TAF10: variants seen among roughly 807,000 people sequenced by gnomAD.
TAF10 encodes TATA-box binding protein associated factor 10.
A neutral mutation model predicts 18.1 loss-of-function variants in TAF10; 2 were observed. The ratio of observed to expected loss-of-function variants is 0.11; its 90% CI spans 0.05 to 0.35. The LOEUF (loss-of-function observed/expected upper bound fraction) is 0.35, where lower values mean the gene tolerates loss of function less well. Ranked by LOEUF, TAF10 falls within the 10% of genes least tolerant of loss-of-function variation. TAF10 has a pLI of 1.00. For synonymous variants in TAF10, 158 were observed against 134.6 expected, an observed-to-expected ratio of 1.17 and a Z score of -1.20; for missense variants, 293 against 306.9, an observed-to-expected ratio of 0.95 and a Z score of 0.34.
chr11:6,609,755 G>A lies in TAF10; in HGVS notation c.*1167C>T. 6.2e-7 allele frequency: 1 copy of A among 1,614,180 alleles called. No homozygotes were observed. Among genetic ancestry groups the A allele is most frequent in the Non-Finnish European group, 8.5e-7 (1 of 1,180,034 alleles). On this transcript the variant is annotated 3_prime_UTR_variant, in exon 5 of 5. Transcript: ENST00000299424. ...TCGTGGACCAGAGCCAGGCTGTGAA[G>A]TTTGCTTTGGACATGGCAAGGGGCA...
chr11:6,610,302 T>TG lies in TAF10; in HGVS notation c.*619dup. 6.2e-7 allele frequency: 1 copy of TG among 1,614,096 alleles called. No individual in the cohort carries two copies. The highest frequency in any genetic ancestry group is 8.5e-7 in the Non-Finnish European group (1 of 1,180,044). ...AGGTGAGAGCACAACAGCATACATT[T>TG]GTGTTGCGGGAGTGGTTGGTGATGG... On this transcript the variant is annotated 3_prime_UTR_variant, in exon 5 of 5. Transcript: ENST00000299424.
chr11:6,611,068 G>C, intron 4 of TAF10, 57 bp from the exon 5 acceptor site: 3 of 1,602,264 alleles, frequency 1.9e-6, no homozygotes, highest in Non-Finnish European at 2.6e-6. Context: ...TTCAATCCCA[G>C]ATGGGTGACC....
At position 6,610,369 on chromosome 11, in the gene TAF10, T is replaced by G. The variant is rs1855379234; in HGVS notation, c.*553A>C. 1 of 1,613,038 alleles carries G rather than the reference T, an allele frequency of 6.2e-7. No homozygotes were observed. Among genetic ancestry groups the G allele is most frequent in the Non-Finnish European group, 8.5e-7 (1 of 1,179,274 alleles). On this transcript the variant is annotated 3_prime_UTR_variant, in exon 5 of 5. Coordinates refer to ENST00000299424, the MANE Select transcript of TAF10 (RefSeq NM_006284.4). The stretch of plus-strand genomic sequence containing the variant: ...GGGCCTTGGCTCCTCACATATTTGT[T>G]CGGATATACAGTAATCCTGTCCCAA...
Position 6,611,737 on chromosome 11 carries a change from C to A in TAF10, c.314G>T (p.Gly105Val), listed in dbSNP as rs1209144140. The A allele has an allele frequency of 6.2e-7, 1 of 1,611,956 alleles. No homozygotes were observed. Among genetic ancestry groups the A allele is most frequent in the Non-Finnish European group, 8.5e-7 (1 of 1,178,976 alleles). Reference protein sequence around the residue: ...GVYVLPSAANGDVKPVVSSTP... With the variant: ...GVYVLPSAANVDVKPVVSSTP... ...GCTGGACACCACGGGCTTCACGTCT[C>A]CGTTGGCCGCGCTCGGCAGTACGTA... Residue 105 changes from glycine (G) to valine (V), a missense_variant, in exon 2 of 5, where the codon GGA (glycine) becomes GTA (valine). Gly to Val is a moderately radical substitution (Grantham distance 109). Transcript: ENST00000299424.
chr11:6,608,272 A>C lies in TAF10; in HGVS notation c.*2650T>G, dbSNP rs1001718645. 8.2e-6 allele frequency: 13 copies of C among 1,588,708 alleles called. No homozygotes were observed. In the African/African-American group the frequency reaches 1.3e-4, roughly 16 times the overall value. ...CATGCCATGAGGGTCAGTCACAGGCACTGTAACATACAGTAGAAAGCATGT... is the reference window on the plus strand; with the variant it reads ...CATGCCATGAGGGTCAGTCACAGGCCCTGTAACATACAGTAGAAAGCATGT... On this transcript the variant is annotated 3_prime_UTR_variant, in exon 5 of 5. Coordinates refer to ENST00000299424, the MANE Select transcript of TAF10 (RefSeq NM_006284.4). The surrounding 1 kb of genome is among the most constrained non-coding windows in gnomAD (Gnocchi z 4.9).
rs947509668 is a variant in TAF10 at position 6,606,574 on chromosome 11, G to C, written c.*4348C>G. The C allele has an allele frequency of 4.0e-5, 6 of 151,552 alleles. No homozygotes were observed. The highest frequency in any genetic ancestry group is 7.4e-5 in the Non-Finnish European group (5 of 67,728). 9.4% of individuals were successfully genotyped at this position (151,552 alleles called of 1,614,324 possible). On this transcript the variant is annotated 3_prime_UTR_variant, in exon 5 of 5. Transcript: ENST00000299424. ...TAGCATCTAGGAAGACTCTAGCTGAGTCTAGGAAGACTCTAGGAAGATGCT... is the reference window on the plus strand; with the variant it reads ...TAGCATCTAGGAAGACTCTAGCTGACTCTAGGAAGACTCTAGGAAGATGCT...
chr11:6,609,309 G>A lies in TAF10; in HGVS notation c.*1613C>T, dbSNP rs1564847378. ...CTACCTGTCCTGCAGCTATGGAAGGGCCGCTGGCAGGGCAATGACATTGTC... is the reference window on the plus strand; with the variant it reads ...CTACCTGTCCTGCAGCTATGGAAGGACCGCTGGCAGGGCAATGACATTGTC... On this transcript the variant is annotated 3_prime_UTR_variant, in exon 5 of 5. Coordinates refer to ENST00000299424, the MANE Select transcript of TAF10 (RefSeq NM_006284.4). The A allele has an allele frequency of 1.9e-6, 3 of 1,614,002 alleles. No homozygotes were observed. Among genetic ancestry groups the A allele is most frequent in the Admixed American group, 1.7e-5 (1 of 60,010 alleles).
rs1855376828 is a variant in TAF10 at position 6,610,338 on chromosome 11, T to C, written c.*584A>G. 2 of 1,613,662 alleles carry C rather than the reference T, an allele frequency of 1.2e-6. No homozygotes were observed. Among genetic ancestry groups the C allele is most frequent in the Non-Finnish European group, 1.7e-6 (2 of 1,179,784 alleles). ...AGTGGTTGGTGATGGTGAAAATAAC[T>C]GTAGTGGGCCTTGGCTCCTCACATA... On this transcript the variant is annotated 3_prime_UTR_variant, in exon 5 of 5. Coordinates refer to ENST00000299424, the MANE Select transcript of TAF10 (RefSeq NM_006284.4).
At chr11:6,611,919 C>A (rs1043790113) in intron 1 of TAF10, 39 bp downstream of exon 1, 13 of 1,576,564 alleles carry the variant, frequency 8.2e-6, no homozygotes, top group Non-Finnish European at 9.4e-6. Context: ...GGACCCAGCC[C>A]AAGACGCTTC....
At position 6,609,202 on chromosome 11, in the gene TAF10, T is replaced by C; in HGVS notation, c.*1720A>G. 3 of 1,600,558 alleles carry C rather than the reference T, an allele frequency of 1.9e-6. No individual in the cohort carries two copies. The highest frequency in any genetic ancestry group is 2.6e-6 in the Non-Finnish European group (3 of 1,167,794). ...CCTTCCCTCACTAAACCCCCATAAATTACTTGCTTTGTACCTGTTTTAAGT... is the reference window on the plus strand; with the variant it reads ...CCTTCCCTCACTAAACCCCCATAAACTACTTGCTTTGTACCTGTTTTAAGT... On this transcript the variant is annotated 3_prime_UTR_variant, in exon 5 of 5. Transcript: ENST00000299424.
rs1172928587 is a variant in TAF10, at chr11:6,607,995, C to T, written c.*2927G>A. ...ATTATCAGTTTTTCAGGAATCAAAA[C>T]CTTTGCCCCATCCCACCTCCAGCTC... On this transcript the variant is annotated 3_prime_UTR_variant, in exon 5 of 5. Coordinates refer to ENST00000299424, the MANE Select transcript of TAF10 (RefSeq NM_006284.4). 7 of 1,592,804 alleles carry T rather than the reference C, an allele frequency of 4.4e-6. No homozygotes were observed. The African/African-American group carries it at 6.7e-5, about 15-fold the overall frequency.
In TAF10 at chr11:6,609,655, G is replaced by T; in HGVS notation, c.*1267C>A. 6.2e-7 allele frequency: 1 copy of T among 1,614,190 alleles called. No homozygotes were observed. On this transcript the variant is annotated 3_prime_UTR_variant, in exon 5 of 5. Transcript: ENST00000299424. ...GAAGGCACCAGTGAGTAGGGATGTT[G>T]AATTTCCTTGGGGAGGAAATGGCAG...
chr11:6,610,912 G>C lies in TAF10; in HGVS notation c.*10C>G. On this transcript the variant is annotated 3_prime_UTR_variant, in exon 5 of 5. Transcript: ENST00000299424. ...CATGGGGACAGATAAGTACATTTAG[G>C]TTGGGTGGCTCAGGTGAAGTAGTGC... 1 of 1,614,080 alleles carries C rather than the reference G, an allele frequency of 6.2e-7. No homozygotes were observed. Among genetic ancestry groups the C allele is most frequent in the Non-Finnish European group, 8.5e-7 (1 of 1,179,910 alleles).
In TAF10 at chr11:6,606,971, T is replaced by C. The variant is rs1854974072; in HGVS notation, c.*3951A>G. ...TTTTGGCTATTTCTGTGTTAGCAGA[T>C]GCGAGCAAGTTGTGGAGGAAAATGA... On this transcript the variant is annotated 3_prime_UTR_variant, in exon 5 of 5. Coordinates refer to ENST00000299424, the MANE Select transcript of TAF10 (RefSeq NM_006284.4). The C allele has an allele frequency of 6.6e-6, 1 of 152,282 alleles. No homozygotes were observed. Among genetic ancestry groups the C allele is most frequent in the Non-Finnish European group, 1.5e-5 (1 of 68,074 alleles). The allele number at this position is 152,282 out of a possible 1,614,324, so 9.4% of individuals were successfully genotyped here.
At position 6,608,031 on chromosome 11, in the gene TAF10, GC is replaced by G; in HGVS notation, c.*2890del. 2 of 1,613,516 alleles carry G rather than the reference GC, an allele frequency of 1.2e-6. No homozygotes were observed. The highest frequency in any genetic ancestry group is 1.3e-5 in the African/African-American group (1 of 74,970). On this transcript the variant is annotated 3_prime_UTR_variant, in exon 5 of 5. Coordinates refer to ENST00000299424, the MANE Select transcript of TAF10 (RefSeq NM_006284.4). The surrounding 1 kb of genome is among the most constrained non-coding windows in gnomAD (Gnocchi z 4.9). ...TCCCACCTCCAGCTCAATGACCATT[GC>G]CCCTTCCTCAAAGGGACGATCATGG... is the stretch of plus-strand genomic sequence containing the variant.
chr11:6,609,691 T>C lies in TAF10; in HGVS notation c.*1231A>G. 1.2e-6 allele frequency: 2 copies of C among 1,614,148 alleles called. No homozygotes were observed. Among genetic ancestry groups the C allele is most frequent in the Non-Finnish European group, 1.7e-6 (2 of 1,180,018 alleles). Reference sequence around the variant, plus strand: ...GGGAGGAAATGGCAGAGAGGGAGCCTCTCTGAACTATTTGACTTTTGCCTC... The same window carrying C: ...GGGAGGAAATGGCAGAGAGGGAGCCCCTCTGAACTATTTGACTTTTGCCTC... On this transcript the variant is annotated 3_prime_UTR_variant, in exon 5 of 5. Transcript: ENST00000299424.
chr11:6,609,138 C>T lies in TAF10; in HGVS notation c.*1784G>A, dbSNP rs760482273. On this transcript the variant is annotated 3_prime_UTR_variant, in exon 5 of 5. Coordinates refer to ENST00000299424, the MANE Select transcript of TAF10 (RefSeq NM_006284.4). Reference sequence around the variant, plus strand: ...AGCTTAACTTCCTGACGAAGCTCAACGAGAATCACTCTGGAGAGGTGACCC... The same window carrying T: ...AGCTTAACTTCCTGACGAAGCTCAATGAGAATCACTCTGGAGAGGTGACCC... 26 of 1,613,898 alleles carry T rather than the reference C, an allele frequency of 1.6e-5. No homozygotes were observed. Among genetic ancestry groups the T allele is most frequent in the East Asian group, 1.3e-4 (6 of 44,900 alleles).
At chr11:6,611,145 T>C (rs1377284434) in intron 4 of TAF10, 44 bp downstream of exon 4, 1 of 1,591,502 alleles carries the variant, frequency 6.3e-7, no homozygotes, top group Admixed American at 1.7e-5. Flanking sequence ...AAGCCTCCAC[T>C]GTTGTGGAAG....
Position 6,608,436 on chromosome 11 carries a change from G to A in TAF10, c.*2486C>T, listed in dbSNP as rs745845608. On this transcript the variant is annotated 3_prime_UTR_variant, in exon 5 of 5. Transcript: ENST00000299424. The surrounding 1 kb of genome is among the most constrained non-coding windows in gnomAD (Gnocchi z 4.9). ...AGACATCAATGCAGTGAATGAACAC[G>A]GGAATGTGCCCCTGCACTATGCCTG... is the stretch of plus-strand genomic sequence containing the variant. 4 of 1,614,182 alleles carry A rather than the reference G, an allele frequency of 2.5e-6. No homozygotes were observed. The highest frequency in any genetic ancestry group is 3.4e-6 in the Non-Finnish European group (4 of 1,180,008).
Sources: gnomAD v4.1 joint callset for allele counts on GRCh38, gnomAD v4.1.1 for gene constraint, Gnocchi (gnomAD v3.1) non-coding constraint, MANE v1.5 for transcripts, NCBI Gene and HGNC (gene_info 2026-07-23, HGNC 2026-07-21) for gene names.